The following PLXNA4 variants were observed in gnomAD, a reference collection of about 807,000 sequenced individuals.
PLXNA4 encodes plexin A4.
In PLXNA4, 44 loss-of-function variants were observed where a neutral mutation model predicts 191.8. The ratio of observed to expected loss-of-function variants is 0.23; its 90% CI spans 0.18 to 0.29. The LOEUF (loss-of-function observed/expected upper bound fraction) is 0.29, where lower values mean the gene tolerates loss of function less well. Ranked by LOEUF, PLXNA4 falls within the 10% of genes least tolerant of loss-of-function variation. The pLI is 1.00. For synonymous variants in PLXNA4, 1,082 were observed against 1,009.5 expected (o/e 1.07, Z -1.36); for missense variants, 1,800 against 2,488.8 (o/e 0.72, Z 5.89).
At chr7:132,265,143 T>A (rs563950895) in intron 4 of PLXNA4, among the ~76,000 whole-genome samples, 45 of 152,272 alleles carry the variant, frequency 3.0e-4, no homozygotes, top group Middle Eastern at 3.4e-3. Context: ...AGACCTGGGT[T>A]TGAGTCCCAA....
rs138649667 is a variant in PLXNA4, at chr7:132,233,854, A to G, written c.1605-5385T>C. ...TAGCCATGCTTTGAATGAACAATCT[A>G]TTGAACAAAACCTTAGGTGAGAGGT... is the stretch of plus-strand genomic sequence containing the variant. On this transcript the variant is annotated intron_variant, in intron 5 of 31. Transcript: ENST00000321063. Among the ~76,000 whole-genome samples, 20 of 152,346 alleles carry G rather than the reference A, an allele frequency of 1.3e-4. No individual in the cohort carries two copies. The East Asian group carries it at 3.5e-3, about 26-fold the overall frequency.
At chr7:132,351,170 C>CTG (rs1803470072) in intron 3 of PLXNA4, among the ~76,000 whole-genome samples, 1 of 152,162 alleles carries the variant, frequency 6.6e-6, no homozygotes, top group Admixed American at 6.5e-5. Context: ...GGGATTTGAG[C>CTG]TGTCTTTTTG....
chr7:132,146,849 G>T, intron 27 of PLXNA4, 149 bp from the exon 28 acceptor site: 1 of 1,448,858 alleles, frequency 6.9e-7, no homozygotes, highest in African/African-American at 1.4e-5. Flanking sequence ...TTGGTTTGGT[G>T]CATTCCCTGA....
At chr7:132,442,720 C>T (rs1795742895) in intron 3 of PLXNA4, among the ~76,000 whole-genome samples, 1 of 152,232 alleles carries the variant, frequency 6.6e-6, no homozygotes, top group Admixed American at 6.5e-5. Flanking sequence ...AAAAAACAGT[C>T]CCAGGCCAAC....
intron 5 of PLXNA4, among the ~76,000 whole-genome samples, chr7:132,234,186 C>G (rs1448614680): frequency 1.3e-5 from 2 of 152,188 alleles, no homozygotes; most frequent in African/African-American, 4.8e-5. Context: ...CAGTCGGTAA[C>G]AAGGAGAATG....
intron 1 of PLXNA4, among the ~76,000 whole-genome samples, chr7:132,519,814 T>A (rs1332001390): frequency 6.6e-6 from 1 of 152,232 alleles, no homozygotes; most frequent in Non-Finnish European, 1.5e-5. Context: ...ACTATTGGCA[T>A]CAGGTCATTC....
chr7:132,327,102 G>GAGGGAGAGAAGAAGGGAGGGAGGGTAGGA (rs1802400797), intron 3 of PLXNA4, among the ~76,000 whole-genome samples: 1 of 148,678 alleles, frequency 6.7e-6, no homozygotes, highest in African/African-American at 2.5e-5. Context: ...AGAAAGGAGG[G>GAGGGAGAGAAGAAGGGAGGGAGGGTAGGA]AGAAAGAAAT....
chr7:132,251,083 T>A (rs1489547977), intron 4 of PLXNA4, among the ~76,000 whole-genome samples: 1 of 149,942 alleles, frequency 6.7e-6, no homozygotes, highest in African/African-American at 2.5e-5. Flanking sequence ...CTGTGTACAT[T>A]GGGTATTTTA....
At chr7:132,390,886 A>G (rs536903971) in intron 3 of PLXNA4, among the ~76,000 whole-genome samples, 155 of 152,314 alleles carry the variant, frequency 1.0e-3, no homozygotes, top group African/African-American at 3.5e-3. Context: ...ATGTTGAAAA[A>G]TGATGTCTGT....
chr7:132,444,307 C>T (rs1207277606), intron 3 of PLXNA4, among the ~76,000 whole-genome samples: 1 of 152,238 alleles, frequency 6.6e-6, no homozygotes, highest in Non-Finnish European at 1.5e-5. Context: ...CAGGCTGGAG[C>T]GCAATGGCGC....
At chr7:132,422,251 A>G (rs1380280483) in intron 3 of PLXNA4, among the ~76,000 whole-genome samples, 1 of 152,206 alleles carries the variant, frequency 6.6e-6, no homozygotes, top group Non-Finnish European at 1.5e-5. Context: ...CTGCAGAACA[A>G]TGGGTGCCTT....
chr7:132,445,927 A>G (rs903415719), intron 3 of PLXNA4, among the ~76,000 whole-genome samples: 1 of 151,856 alleles, frequency 6.6e-6, no homozygotes, highest in Non-Finnish European at 1.5e-5. Flanking sequence ...AAGAGCAAAA[A>G]CTCCCGAGAC....
At chr7:132,340,853 T>C (rs1223137852) in intron 3 of PLXNA4, among the ~76,000 whole-genome samples, 1 of 152,184 alleles carries the variant, frequency 6.6e-6, no homozygotes, top group Non-Finnish European at 1.5e-5. Context: ...AATTTTTGTA[T>C]TTTTATTAGA....
intron 3 of PLXNA4, among the ~76,000 whole-genome samples, chr7:132,321,589 G>C (rs1482422121): frequency 6.6e-6 from 1 of 152,198 alleles, no homozygotes; most frequent in African/African-American, 2.4e-5. Flanking sequence ...TGAAATGTTG[G>C]TGCACCATGT....
intron 3 of PLXNA4, among the ~76,000 whole-genome samples, chr7:132,440,094 T>C (rs907180690): frequency 2.6e-5 from 4 of 152,106 alleles, no homozygotes; most frequent in African/African-American, 9.7e-5. Flanking sequence ...TCAATTACAT[T>C]CTCCGATTTC....
intron 15 of PLXNA4, 100 bp downstream of exon 15, chr7:132,187,371 C>T (rs1042197842): frequency 4.7e-6 from 7 of 1,501,052 alleles, no homozygotes; most frequent in African/African-American, 1.4e-5. Context: ...GGTGGTTACA[C>T]CCTCCCAACT....
chr7:132,166,994 C>T (rs1796141925), intron 22 of PLXNA4, among the ~76,000 whole-genome samples: 1 of 152,142 alleles, frequency 6.6e-6, no homozygotes, highest in Non-Finnish European at 1.5e-5. Context: ...AAGTGGGAGC[C>T]ACTGAAGCTC....
At chr7:132,431,076 T>C (rs277482) in intron 3 of PLXNA4, among the ~76,000 whole-genome samples, 40,910 of 152,098 alleles carry the variant, frequency 0.27, 11,111 homozygotes, top group African/African-American at 0.69. Context: ...CCAGTTTCCC[T>C]ATCTGTAAAA....
At chr7:132,489,525 CAG>C (rs1207728990) in intron 2 of PLXNA4, 51 bp from the exon 3 acceptor site, 1 of 1,431,880 alleles carries the variant, frequency 7.0e-7, no homozygotes, top group Admixed American at 1.9e-5. Context: ...AGGAAATTGG[CAG>C]AGATATTAAG....
Sources: allele counts gnomAD v4.1 joint callset (sites outside exome capture counted in the v4.1 genomes callset), GRCh38; gene constraint gnomAD v4.1.1; transcripts MANE v1.5; gene names NCBI Gene and HGNC (gene_info 2026-07-23, HGNC 2026-07-21).